FGF1: variants seen among roughly 807,000 people sequenced by gnomAD.
The protein encoded by FGF1 is fibroblast growth factor 1, also known as beta-endothelial cell growth factor.
Under a neutral mutation model 13.4 loss-of-function variants are expected in FGF1, and 9 were observed. That is an observed-to-expected ratio of 0.67 (90% CI 0.40 to 1.17). FGF1 has a LOEUF of 1.17. FGF1 is among the 50% of genes most tolerant of loss of function. The pLI is 0.01. For synonymous variants in FGF1, 93 were observed against 79.0 expected, an observed-to-expected ratio of 1.18 and a Z score of -0.94; for missense variants, 156 against 192.7, an observed-to-expected ratio of 0.81 and a Z score of 1.13.
At chr5:142,601,281 A>G (rs1255127165) in intron 2 of FGF1, among the ~76,000 whole-genome samples, 1 of 152,162 alleles carries the variant, frequency 6.6e-6, no homozygotes, top group Admixed American at 6.5e-5. Flanking sequence ...TGGGCCTTCT[A>G]GTCATGGGAG....
rs907319579 is a variant in FGF1 at position 142,592,247 on chromosome 5, T to G, written c.*3043A>C. 9 of 397,908 alleles carry G rather than the reference T, an allele frequency of 2.3e-5. No individual in the cohort carries two copies. Among genetic ancestry groups the G allele is most frequent in the Admixed American group, 1.3e-4 (3 of 22,714 alleles). The allele number at this position is 397,908 out of a possible 1,614,324, so 24.6% of individuals were successfully genotyped here. A position where few individuals can be genotyped will look rare whatever the true frequency, so the allele number is the denominator to read the frequency against. ...TATGATACACAAAAAGACAGTGATG[T>G]GAAATAACAGGCATCTTCATCAGAG... On this transcript the variant is annotated 3_prime_UTR_variant, in exon 4 of 4. Coordinates refer to ENST00000337706, the MANE Select transcript of FGF1 (RefSeq NM_000800.5).
chr5:142,652,513 CA>C (rs1767437579), intron 1 of FGF1, among the ~76,000 whole-genome samples: 1 of 152,062 alleles, frequency 6.6e-6, no homozygotes, highest in Non-Finnish European at 1.5e-5. Flanking sequence ...AGGCCCCTCA[CA>C]AGGACCCTGT....
intron 1 of FGF1, among the ~76,000 whole-genome samples, chr5:142,665,179 T>TA (rs1770053786): frequency 2.0e-5 from 3 of 151,988 alleles, no homozygotes; most frequent in Admixed American, 1.3e-4. Context: ...TCTCAAAAAA[T>TA]AAAAAACAAA....
At chr5:142,615,861 G>A (rs1027726893) in intron 1 of FGF1, among the ~76,000 whole-genome samples, 1 of 152,200 alleles carries the variant, frequency 6.6e-6, no homozygotes, top group South Asian at 2.1e-4. Flanking sequence ...CTTTTTATGA[G>A]GAGTGGGGTT....
In FGF1 at chr5:142,595,501, A is replaced by T. The variant is rs989785171; in HGVS notation, c.274-17T>A. 1 of 1,608,118 alleles carries T rather than the reference A, an allele frequency of 6.2e-7. No homozygotes were observed. Among genetic ancestry groups the T allele is most frequent in the Non-Finnish European group, 8.5e-7 (1 of 1,176,494 alleles). ...TGGTGTCTGCTAAAAAGATAAAACC[A>T]AAAGAGAGTAGGACAATCAGTGAGT... On this transcript the variant is annotated splice_polypyrimidine_tract_variant and intron_variant, in intron 3 of 3. Coordinates refer to ENST00000337706, the MANE Select transcript of FGF1 (RefSeq NM_000800.5).
intron 1 of FGF1, among the ~76,000 whole-genome samples, chr5:142,628,749 A>G (rs770867908): frequency 7.9e-5 from 12 of 152,244 alleles, no homozygotes; most frequent in Admixed American, 7.8e-4. Flanking sequence ...AAGAATCACT[A>G]TGTTGGGCGG....
chr5:142,673,265 TC>T (rs1771850337), intron 1 of FGF1, among the ~76,000 whole-genome samples: 1 of 152,092 alleles, frequency 6.6e-6, no homozygotes, highest in Non-Finnish European at 1.5e-5. Flanking sequence ...CCTTTTCTCA[TC>T]TTTTATTCTT....
intron 2 of FGF1, among the ~76,000 whole-genome samples, chr5:142,692,177 C>A (rs548809287): frequency 1.3e-4 from 20 of 152,080 alleles, no homozygotes; most frequent in Non-Finnish European, 2.5e-4. Context: ...CCAAAAAAAA[C>A]CCCACAAAAA....
At chr5:142,603,465 T>C (rs1014674480) in intron 2 of FGF1, among the ~76,000 whole-genome samples, 2 of 152,196 alleles carry the variant, frequency 1.3e-5, no homozygotes, top group East Asian at 3.9e-4. Context: ...CAACATGCAA[T>C]GATTTTATTA....
chr5:142,606,978 G>A (rs900780298), intron 2 of FGF1, among the ~76,000 whole-genome samples: 2 of 152,092 alleles, frequency 1.3e-5, no homozygotes, highest in Non-Finnish European at 2.9e-5. Context: ...TTTCATCAGG[G>A]ATTTGCTATG....
intron 2 of FGF1, among the ~76,000 whole-genome samples, chr5:142,694,750 C>T (rs920631114): frequency 2.0e-5 from 3 of 152,138 alleles, no homozygotes; most frequent in Non-Finnish European, 2.9e-5. Flanking sequence ...CCGCAAAGAC[C>T]ACCCTACCCC....
intron 2 of FGF1, among the ~76,000 whole-genome samples, chr5:142,696,079 A>G (rs1753067392): frequency 6.6e-6 from 1 of 152,182 alleles, no homozygotes; most frequent in African/African-American, 2.4e-5. Flanking sequence ...GGCCTGGTGC[A>G]TGGTCTGGGA....
intron 1 of FGF1, among the ~76,000 whole-genome samples, chr5:142,628,079 C>T (rs371388923): frequency 6.6e-6 from 1 of 152,094 alleles, no homozygotes; most frequent in South Asian, 2.1e-4. Flanking sequence ...ACCAAAGGCC[C>T]CAGGACATGA....
chr5:142,630,987 T>C (rs1763282898), intron 1 of FGF1, among the ~76,000 whole-genome samples: 1 of 152,226 alleles, frequency 6.6e-6, no homozygotes, highest in Non-Finnish European at 1.5e-5. Flanking sequence ...AAGCCATGTT[T>C]ATTCAACACC....
intron 1 of FGF1, among the ~76,000 whole-genome samples, chr5:142,678,167 G>A (rs1773012347): frequency 6.6e-6 from 1 of 152,072 alleles, no homozygotes; most frequent in African/African-American, 2.4e-5. Context: ...CCCCCCAAGA[G>A]GCCTCCTGTC....
At chr5:142,671,809 C>A (rs1771515669) in intron 1 of FGF1, 2 of 152,184 alleles carry the variant, frequency 1.3e-5, no homozygotes, top group Non-Finnish European at 2.9e-5. Context: ...GCTCGGGAGA[C>A]CTTTACCTGT....
upstream of FGF1, among the ~76,000 whole-genome samples, chr5:142,688,812 C>G (rs184610771): frequency 1.3e-5 from 2 of 152,288 alleles, no homozygotes; most frequent in African/African-American, 4.8e-5. Context: ...CCTTTCGCAT[C>G]CTAACAGATG....
chr5:142,595,401 C>G lies in FGF1; in HGVS notation c.357G>C (p.Glu119Asp). The G allele has an allele frequency of 6.2e-7, 1 of 1,614,066 alleles. No homozygotes were observed. Among genetic ancestry groups the G allele is most frequent in the Non-Finnish European group, 8.5e-7 (1 of 1,179,932 alleles). ...YNTYISKKHA[E>D]KNWFVGLKKN... is the part of the protein sequence containing the mutation. ...TCTTGAGGCCAACAAACCAATTCTT[C>G]TCTGCATGCTTCTTGGATATATAGG... The change falls in exon 4 of 4, where the codon GAG becomes GAC. Residue 119 changes from glutamate to aspartate, a missense_variant. By Grantham distance (45) the Glu-to-Asp change is conservative. Transcript: ENST00000337706.
At chr5:142,612,249 A>G (rs895838670) in intron 2 of FGF1, among the ~76,000 whole-genome samples, 3 of 152,246 alleles carry the variant, frequency 2.0e-5, no homozygotes, top group Non-Finnish European at 4.4e-5. Context: ...CCCAGAGTGC[A>G]GTCTGTTGTG....
Sources: gnomAD v4.1 joint callset for allele counts (sites outside exome capture counted in the v4.1 genomes callset) on GRCh38, gnomAD v4.1.1 for gene constraint, MANE v1.5 for transcripts, NCBI Gene and HGNC (gene_info 2026-07-23, HGNC 2026-07-21) for gene names.